Variants in ADGRF5 observed in about 807,000 individuals in gnomAD.
ADGRF5 encodes the protein adhesion G protein-coupled receptor F5.
ADGRF5 carries 75 observed loss-of-function variants against 132.3 expected under a neutral mutation model. The observed-to-expected ratio is 0.57, with a 90% CI of 0.47 to 0.69. The LOEUF is 0.69. Among genes scored for constraint, ADGRF5 ranks in the 30% least tolerant of loss-of-function variants. The pLI is 0.00. For missense variants in ADGRF5, 1,516 were observed against 1,630.6 expected (o/e 0.93, Z 1.21); for synonymous variants, 629 against 597.6 (o/e 1.05, Z -0.77).
At chr6:46,942,678 C>T (rs2077055) in intron 1 of ADGRF5, among the ~76,000 whole-genome samples, 79,495 of 152,066 alleles carry the variant, frequency 0.52, 21,567 homozygotes, top group East Asian at 0.64. Flanking sequence ...GAAGCCTGCA[C>T]ATAGGACACT....
intron 1 of ADGRF5, among the ~76,000 whole-genome samples, chr6:46,941,557 G>A (rs979817238): frequency 6.6e-6 from 1 of 152,074 alleles, no homozygotes; most frequent in African/African-American, 2.4e-5. Context: ...CTCTGGAAGT[G>A]AGGCCCAGTA....
At chr6:46,862,703 C>CGTTTTTTTTTTT (rs1769908283) in intron 15 of ADGRF5, among the ~76,000 whole-genome samples, 185 bp downstream of exon 15, 1 of 26,508 alleles carries the variant, frequency 3.8e-5, no homozygotes, top group Non-Finnish European at 6.0e-5. Flanking sequence ...TGAATTGAGG[C>CGTTTTTTTTTTT]TTTTTTTTTT....
At chr6:46,862,739 G>C (rs1368383024) in intron 15 of ADGRF5, 149 bp downstream of exon 15, 2 of 130,664 alleles carry the variant, frequency 1.5e-5, no homozygotes, top group Non-Finnish European at 2.9e-5. Flanking sequence ...TGCATTTCTA[G>C]GGTTGCATCT....
At chr6:46,893,724 T>C (rs922409964) in intron 3 of ADGRF5, among the ~76,000 whole-genome samples, 1 of 152,172 alleles carries the variant, frequency 6.6e-6, no homozygotes, top group African/African-American at 2.4e-5. Flanking sequence ...CCTGGCATTG[T>C]TTATCTAGAT....
In ADGRF5 at chr6:46,853,917, T is replaced by C. The variant is rs1321288827; in HGVS notation, c.*75A>G. 2.4e-5 allele frequency: 25 copies of C among 1,029,498 alleles called. No individual in the cohort carries two copies. The East Asian group carries it at 3.8e-4, about 16-fold the overall frequency. The allele number at this position is 1,029,498 out of a possible 1,614,324, so 63.8% of individuals were successfully genotyped here. On this transcript the variant is annotated 3_prime_UTR_variant, in exon 21 of 21. Transcript: ENST00000283296. ...ACCTGCCCCGAGAACACGTTCCCCA[T>C]TGCTTTGCAAGCATCTCTTTTTAAA...
chr6:46,877,318 CTTCCTTCTTTCTTTCT>C lies in ADGRF5; in HGVS notation c.1240+868_1240+883del, dbSNP rs1289001528. On this transcript the variant is annotated intron_variant, in intron 10 of 20. Transcript: ENST00000283296. Reference sequence around the variant, plus strand: ...CTCTCTCTCTCTCTTTCCTTCCTTCCTTCCTTCTTTCTTTCTTTCTTTCTTTCTTTCTTTCTTTCTT... The same window carrying C: ...CTCTCTCTCTCTCTTTCCTTCCTTCCTTCTTTCTTTCTTTCTTTCTTTCTT... 1.2e-3 allele frequency among the ~76,000 whole-genome samples: 27 copies of C among 21,642 alleles called. No individual in the cohort carries two copies. The South Asian group carries it at 0.018, about 14-fold the overall frequency. 14.2% of individuals were successfully genotyped at this position (21,642 alleles called of 152,430 possible). A position where few individuals can be genotyped will look rare whatever the true frequency, so the allele number is the denominator to read the frequency against.
intron 15 of ADGRF5, among the ~76,000 whole-genome samples, chr6:46,862,000 A>G (rs1337804350): frequency 6.6e-6 from 1 of 151,190 alleles, no homozygotes; most frequent in East Asian, 2.0e-4. Flanking sequence ...ACCCAATTCG[A>G]TTATTTTCTT....
At chr6:46,929,336 C>G (rs1424608304) in intron 1 of ADGRF5, among the ~76,000 whole-genome samples, 2 of 151,434 alleles carry the variant, frequency 1.3e-5, no homozygotes, top group African/African-American at 4.9e-5. Context: ...ACACCGGGGA[C>G]TGTTGTGGGG....
intron 14 of ADGRF5, 156 bp from the exon 15 acceptor site, chr6:46,863,252 T>C: frequency 2.8e-6 from 2 of 715,546 alleles, no homozygotes; most frequent in Non-Finnish European, 2.5e-6. Flanking sequence ...AATTTTGCCC[T>C]TGATTTTCCA....
intron 13 of ADGRF5, among the ~76,000 whole-genome samples, chr6:46,866,687 A>C (rs1164173459): frequency 6.6e-6 from 1 of 151,774 alleles, no homozygotes; most frequent in African/African-American, 2.4e-5. Context: ...ACTTTCTTCA[A>C]CTTCTCCCAA....
At chr6:46,870,838 C>T (rs1308435825) in intron 11 of ADGRF5, 5 of 443,992 alleles carry the variant, frequency 1.1e-5, no homozygotes, top group Non-Finnish European at 2.3e-5. Flanking sequence ...CATTATTTCG[C>T]TAGAAGAGCT....
chr6:46,952,398 A>T (rs1222299064), intron 1 of ADGRF5, among the ~76,000 whole-genome samples: 1 of 152,210 alleles, frequency 6.6e-6, no homozygotes, highest in Non-Finnish European at 1.5e-5. Context: ...AGCACATAGC[A>T]CACTGCCTGC....
At chr6:46,863,142 C>G (rs749814685) in intron 14 of ADGRF5, 46 bp from the exon 15 acceptor site, 16 of 1,392,890 alleles carry the variant, frequency 1.1e-5, no homozygotes, top group Non-Finnish European at 1.5e-5. Context: ...AAGGAAGAGA[C>G]AATATAGTAG....
chr6:46,909,333 C>T (rs1179417679), intron 1 of ADGRF5, among the ~76,000 whole-genome samples: 1 of 152,136 alleles, frequency 6.6e-6, no homozygotes. Flanking sequence ...ATGTCATTCC[C>T]GATCTCCTTC....
intron 1 of ADGRF5, among the ~76,000 whole-genome samples, chr6:46,947,598 G>A (rs1344028580): frequency 6.6e-6 from 1 of 152,222 alleles, no homozygotes; most frequent in East Asian, 1.9e-4. Flanking sequence ...AGGATCTCTA[G>A]TAATGCTCCA....
intron 1 of ADGRF5, among the ~76,000 whole-genome samples, chr6:46,936,055 A>G (rs977202942): frequency 2.6e-5 from 4 of 152,250 alleles, no homozygotes; most frequent in African/African-American, 9.6e-5. Flanking sequence ...CTTGCCTTGC[A>G]TCGGAAACAA....
intron 3 of ADGRF5, among the ~76,000 whole-genome samples, chr6:46,889,546 A>ATC (rs1183542303): frequency 2.7e-5 from 2 of 73,004 alleles, no homozygotes; most frequent in Non-Finnish European, 5.9e-5. Context: ...TAGACACTAT[A>ATC]TATATATGTG....
At chr6:46,866,880 T>A (rs1562156392) in intron 13 of ADGRF5, 45 bp downstream of exon 13, 6 of 1,195,022 alleles carry the variant, frequency 5.0e-6, no homozygotes, top group Non-Finnish European at 7.5e-6. Flanking sequence ...AGACTCCACA[T>A]ATGTGAAATA....
intron 1 of ADGRF5, among the ~76,000 whole-genome samples, chr6:46,928,999 C>T (rs1255033796): frequency 6.6e-6 from 1 of 152,094 alleles, no homozygotes; most frequent in Non-Finnish European, 1.5e-5. Context: ...TGGGTATATA[C>T]CCAAAGTATT....
Sources: gnomAD v4.1 joint callset for allele counts (sites outside exome capture counted in the v4.1 genomes callset) on GRCh38, gnomAD v4.1.1 for gene constraint, MANE v1.5 for transcripts, NCBI Gene and HGNC (gene_info 2026-07-23, HGNC 2026-07-21) for gene names.